Variants in PPP4R1 observed in about 807,000 individuals in gnomAD.
The protein encoded by PPP4R1 is protein phosphatase 4 regulatory subunit 1, also known as serine/threonine-protein phosphatase 4 regulatory subunit 1.
A neutral mutation model predicts 111.2 loss-of-function variants in PPP4R1; 42 were observed. That is an observed-to-expected ratio of 0.38 (90% CI 0.29 to 0.49). PPP4R1 has a LOEUF of 0.49. Among genes scored for constraint, PPP4R1 ranks in the 20% least tolerant of loss-of-function variants. The pLI is 0.97. For missense variants in PPP4R1, 1,012 were observed against 1,161.6 expected (o/e 0.87, Z 1.87); for synonymous variants, 409 against 405.5 (o/e 1.01, Z -0.10).
At chr18:9,550,550 A>G in intron 16 of PPP4R1, 152 bp from the exon 17 acceptor site, 2 of 781,444 alleles carry the variant, frequency 2.6e-6, no homozygotes, top group Non-Finnish European at 4.0e-6. Flanking sequence ...TCTCCTGTAC[A>G]GTTACCTCCA....
At chr18:9,549,972 T>A in intron 18 of PPP4R1, 80 bp downstream of exon 18, 1 of 1,577,678 alleles carries the variant, frequency 6.3e-7, no homozygotes, top group Non-Finnish European at 8.7e-7. Flanking sequence ...AGGAAGAGGG[T>A]GAGAGAGAGG....
At position 9,584,587 on chromosome 18, in the gene PPP4R1, ACAAAAGCATCATTGACATTT is replaced by A. The variant is rs534624739; in HGVS notation, c.694-27_694-8del. 2.3e-4 allele frequency: 363 copies of A among 1,610,782 alleles called. No homozygotes were observed. The African/African-American group carries it at 4.4e-3, about 19-fold the overall frequency. On this transcript the variant is annotated splice_polypyrimidine_tract_variant and splice_region_variant and intron_variant, in intron 7 of 19. Coordinates refer to ENST00000400556, the MANE Select transcript of PPP4R1 (RefSeq NM_001042388.3). ...CAAAATTGGCAGCACAGACCTGACA[ACAAAAGCATCATTGACATTT>A]CAAAATATTACACATAAGGTTCTTC...
intron 15 of PPP4R1, among the ~76,000 whole-genome samples, chr18:9,555,923 T>C (rs1442055490): frequency 6.6e-6 from 1 of 151,286 alleles, no homozygotes; most frequent in Non-Finnish European, 1.5e-5. Flanking sequence ...GATCACAAGA[T>C]CAGGAGATCA....
chr18:9,593,766 A>ACC lies in PPP4R1; in HGVS notation c.295_295+1dup. 6.2e-7 allele frequency: 1 copy of ACC among 1,611,046 alleles called. No individual in the cohort carries two copies. The highest frequency in any genetic ancestry group is 8.5e-7 in the Non-Finnish European group (1 of 1,177,434). On this transcript the variant is annotated splice_donor_variant, in intron 4 of 19. Transcript: ENST00000400556. LOFTEE classifies it high-confidence loss of function. ...GAGTAAATTCACTTTCTCCACATAT[A>ACC]CCTGAATCATCGGCCAATCTGCTAA...
chr18:9,580,629 T>A (rs945268439), intron 9 of PPP4R1, among the ~76,000 whole-genome samples: 1 of 152,070 alleles, frequency 6.6e-6, no homozygotes, highest in Non-Finnish European at 1.5e-5. Flanking sequence ...GGATTACAGG[T>A]GCGAGCCACC....
At chr18:9,616,049 C>A (rs1256749754), upstream of PPP4R1, among the ~76,000 whole-genome samples, 1 of 152,100 alleles carries the variant, frequency 6.6e-6, no homozygotes, top group African/African-American at 2.4e-5. Context: ...AAACTAAAGG[C>A]CTTTCTCTTC....
chr18:9,614,144 C>T lies in PPP4R1; in HGVS notation c.52+82G>A. 1 of 1,175,730 alleles carries T rather than the reference C, an allele frequency of 8.5e-7. No homozygotes were observed. The allele number at this position is 1,175,730 out of a possible 1,614,324, so 72.8% of individuals were successfully genotyped here. ...CCACCGTCCCCTCAGCCAGCCAGGG[C>T]CCGGCCCAGGCCTCGCCGCCGCCCG... On this transcript the variant is annotated intron_variant, in intron 2 of 19. Coordinates refer to ENST00000400556, the MANE Select transcript of PPP4R1 (RefSeq NM_001042388.3). The surrounding 1 kb of genome is among the most constrained non-coding windows in gnomAD (Gnocchi z 4.1).
chr18:9,593,144 T>G (rs1053536717), intron 4 of PPP4R1, among the ~76,000 whole-genome samples: 9 of 152,156 alleles, frequency 5.9e-5, no homozygotes, highest in African/African-American at 2.2e-4. Context: ...GAAAAAGTTT[T>G]AAGATTTTTG....
intron 2 of PPP4R1, among the ~76,000 whole-genome samples, chr18:9,611,837 C>G (rs914059827): frequency 6.6e-6 from 1 of 151,430 alleles, no homozygotes; most frequent in East Asian, 1.9e-4. Context: ...CATGGAGAAA[C>G]CCCGTCTCTA....
intron 2 of PPP4R1, among the ~76,000 whole-genome samples, chr18:9,603,616 GACT>G (rs1194614005): frequency 1.3e-5 from 2 of 151,966 alleles, no homozygotes; most frequent in African/African-American, 4.8e-5. Flanking sequence ...CCCTAGTTGG[GACT>G]ACAAGTGCAT....
chr18:9,582,547 A>G (rs887882557), intron 9 of PPP4R1, among the ~76,000 whole-genome samples: 3 of 152,198 alleles, frequency 2.0e-5, no homozygotes, highest in African/African-American at 7.2e-5. Flanking sequence ...AACTATCTAC[A>G]AAGAAAAGCC....
intron 11 of PPP4R1, among the ~76,000 whole-genome samples, chr18:9,566,763 T>C (rs1455139115): frequency 6.6e-6 from 1 of 152,122 alleles, no homozygotes; most frequent in African/African-American, 2.4e-5. Flanking sequence ...ACTCTGCCTG[T>C]GCTCTGTCAC....
chr18:9,564,697 GGTGTGTGTGTGT>G (rs1178823297), intron 11 of PPP4R1, among the ~76,000 whole-genome samples: 5 of 93,490 alleles, frequency 5.3e-5, no homozygotes, highest in Admixed American at 4.6e-4. Flanking sequence ...TAAAGTGCAT[GGTGTGTGTGTGT>G]GTGTGTGTGT....
intron 11 of PPP4R1, among the ~76,000 whole-genome samples, chr18:9,567,036 A>G (rs2066779550): frequency 6.6e-6 from 1 of 152,182 alleles, no homozygotes; most frequent in East Asian, 1.9e-4. Flanking sequence ...TATTTCAGGA[A>G]TACATTCTGT....
intron 16 of PPP4R1, 82 bp from the exon 17 acceptor site, chr18:9,550,480 A>AAT (rs2066471570): frequency 4.2e-6 from 6 of 1,436,752 alleles, no homozygotes; most frequent in Non-Finnish European, 5.7e-6. Flanking sequence ...AATCATCTGT[A>AAT]ATACTGGATT....
chr18:9,564,734 G>T (rs200229704), intron 11 of PPP4R1, among the ~76,000 whole-genome samples: 3,369 of 29,252 alleles, frequency 0.12, 75 homozygotes, highest in African/African-American at 0.27. Context: ...GTGTGTGTGT[G>T]TGTGGGGGTA....
chr18:9,588,408 G>A (rs190821462), intron 5 of PPP4R1, among the ~76,000 whole-genome samples, 173 bp from the exon 6 acceptor site: 3 of 152,286 alleles, frequency 2.0e-5, no homozygotes, highest in East Asian at 3.9e-4. Flanking sequence ...ACAGAACTTC[G>A]TAGATTGTGC....
intron 11 of PPP4R1, among the ~76,000 whole-genome samples, chr18:9,564,742 G>A (rs897155907): frequency 2.7e-5 from 1 of 36,876 alleles, no homozygotes; most frequent in African/African-American, 1.3e-4. Flanking sequence ...GTGTGTGGGG[G>A]TATCATCCCC....
chr18:9,574,224 C>T (rs1184062414), intron 10 of PPP4R1, among the ~76,000 whole-genome samples: 3 of 152,074 alleles, frequency 2.0e-5, no homozygotes, highest in African/African-American at 4.8e-5. Flanking sequence ...CCAGAAACTA[C>T]CTACTTAAGG....
Sources: allele counts gnomAD v4.1 joint callset (sites outside exome capture counted in the v4.1 genomes callset), GRCh38; gene constraint gnomAD v4.1.1; non-coding constraint Gnocchi (gnomAD v3.1); transcripts MANE v1.5; gene names NCBI Gene and HGNC (gene_info 2026-07-23, HGNC 2026-07-21).